The following INPP4B variants were observed in gnomAD, a reference collection of about 807,000 sequenced individuals.
INPP4B encodes the protein inositol polyphosphate 4-phosphatase type II.
Under a neutral mutation model 122.5 loss-of-function variants are expected in INPP4B, and 55 were observed. That is an observed-to-expected ratio of 0.45 (90% CI 0.36 to 0.56). The LOEUF is 0.56. Among genes scored for constraint, INPP4B ranks in the 20% least tolerant of loss-of-function variants. INPP4B has a pLI of 0.00. For synonymous variants in INPP4B, 403 were observed against 388.7 expected (o/e 1.04, Z -0.43); for missense variants, 1,000 against 1,097.7 (o/e 0.91, Z 1.26).
In INPP4B at chr4:142,436,076, G is replaced by C. The variant is rs1471528118; in HGVS notation, c.-126-4691C>G. ...CACACTTTACCCCTGCTGAAGCCAGGGAGGCTGGACGACTGGGTCCCGAGA... is the reference window on the plus strand; with the variant it reads ...CACACTTTACCCCTGCTGAAGCCAGCGAGGCTGGACGACTGGGTCCCGAGA... On this transcript the variant is annotated intron_variant, in intron 3 of 25. Transcript: ENST00000262992. Among the ~76,000 whole-genome samples, 4 of 152,188 alleles carry C rather than the reference G, an allele frequency of 2.6e-5. No homozygotes were observed. The East Asian group carries it at 7.7e-4, about 29-fold the overall frequency.
chr4:142,087,627 G>A (rs1475010661), intron 23 of INPP4B, among the ~76,000 whole-genome samples: 13 of 152,182 alleles, frequency 8.5e-5, no homozygotes, highest in Admixed American at 7.2e-4. Flanking sequence ...CTACGTTACC[G>A]AGTTTCACTG....
intron 16 of INPP4B, among the ~76,000 whole-genome samples, chr4:142,160,951 CTATGTG>C (rs915242877): frequency 9.2e-5 from 14 of 151,982 alleles, no homozygotes; most frequent in African/African-American, 3.4e-4. Context: ...TGTAATCAGT[CTATGTG>C]TATTTTATTA....
chr4:142,378,683 T>A (rs1792918512), intron 7 of INPP4B, among the ~76,000 whole-genome samples: 1 of 152,204 alleles, frequency 6.6e-6, no homozygotes, highest in African/African-American at 2.4e-5. Context: ...TTGGCTTTTC[T>A]CAGCTACAAA....
At chr4:142,691,769 T>C (rs576458754) in intron 2 of INPP4B, among the ~76,000 whole-genome samples, 4 of 152,182 alleles carry the variant, frequency 2.6e-5, no homozygotes, top group Admixed American at 2.6e-4. Context: ...CTTCTGTTCC[T>C]TCCTCCCTTG....
In INPP4B at chr4:142,371,199, G is replaced by T. The variant is rs562908972; in HGVS notation, c.372+31739C>A. Among the ~76,000 whole-genome samples the T allele has an allele frequency of 7.3e-4, 111 of 151,434 alleles. 2 individuals are homozygous for T. The highest frequency in any genetic ancestry group is 2.6e-3 in the African/African-American group (106 of 41,118). ...AAGGACACCCTTTTCAATAAATAGT[G>T]CTGGGAGACCCAGATATCCAAATGC... On this transcript the variant is annotated intron_variant, in intron 7 of 25. Coordinates refer to ENST00000262992, the MANE Select transcript of INPP4B (RefSeq NM_001101669.3).
At chr4:142,123,528 C>T (rs76102727) in intron 19 of INPP4B, 113 bp from the exon 20 acceptor site, 9 of 950,888 alleles carry the variant, frequency 9.5e-6, no homozygotes, top group Non-Finnish European at 1.4e-5. Flanking sequence ...GTATGTATAA[C>T]AAAACTACAA....
intron 1 of INPP4B, among the ~76,000 whole-genome samples, chr4:142,751,726 A>T (rs191383735): frequency 2.6e-5 from 4 of 152,210 alleles, no homozygotes; most frequent in Non-Finnish European, 5.9e-5. Context: ...CAGCTGGAAC[A>T]TACCAGTCAG....
chr4:142,219,414 T>G (rs1848517460), intron 12 of INPP4B, among the ~76,000 whole-genome samples: 1 of 152,230 alleles, frequency 6.6e-6, no homozygotes, highest in African/African-American at 2.4e-5. Context: ...TTTATTTACT[T>G]CTAAATAACA....
At chr4:142,098,347 C>CA (rs1561110058) in intron 23 of INPP4B, among the ~76,000 whole-genome samples, 5 of 151,408 alleles carry the variant, frequency 3.3e-5, no homozygotes, top group Admixed American at 1.3e-4. Context: ...AACAAACAAA[C>CA]AACAACAACA....
chr4:142,573,446 T>C (rs1402871065), intron 2 of INPP4B, among the ~76,000 whole-genome samples: 1 of 152,064 alleles, frequency 6.6e-6, no homozygotes, highest in African/African-American at 2.4e-5. Flanking sequence ...AAGAGGAGAA[T>C]TTTGTTCTTG....
intron 2 of INPP4B, among the ~76,000 whole-genome samples, chr4:142,549,581 C>T (rs1172477401): frequency 1.3e-5 from 2 of 152,102 alleles, no homozygotes; most frequent in African/African-American, 4.8e-5. Flanking sequence ...ATGTCTTTAC[C>T]TTCTCCAGGG....
chr4:142,736,947 G>C (rs942208417), intron 1 of INPP4B, among the ~76,000 whole-genome samples: 11 of 151,844 alleles, frequency 7.2e-5, no homozygotes, highest in Non-Finnish European at 1.6e-4. Context: ...GTCATAGATA[G>C]CTCGAAATAA....
At chr4:142,209,300 C>T (rs76432022) in intron 12 of INPP4B, among the ~76,000 whole-genome samples, 601 of 152,160 alleles carry the variant, frequency 3.9e-3, no homozygotes, top group Non-Finnish European at 6.2e-3. Context: ...GGCAGACTTC[C>T]TATTCTTATA....
At chr4:142,295,317 C>T (rs769327491) in intron 9 of INPP4B, among the ~76,000 whole-genome samples, 5 of 152,090 alleles carry the variant, frequency 3.3e-5, no homozygotes, top group African/African-American at 7.2e-5. Flanking sequence ...GTATAAGATG[C>T]CACAGGTCTG....
chr4:142,291,675 T>G (rs1290700775), intron 9 of INPP4B, among the ~76,000 whole-genome samples: 2 of 152,200 alleles, frequency 1.3e-5, no homozygotes, highest in Admixed American at 1.3e-4. Flanking sequence ...TGGAAAATCA[T>G]TAGCCTTCAT....
chr4:142,572,336 C>A (rs1302550430), intron 2 of INPP4B, among the ~76,000 whole-genome samples: 2 of 152,112 alleles, frequency 1.3e-5, no homozygotes, highest in African/African-American at 4.8e-5. Context: ...GCAGAGAGAG[C>A]TGTGGGGTAT....
At chr4:142,511,385 C>A (rs1449794788) in intron 2 of INPP4B, among the ~76,000 whole-genome samples, 1 of 152,072 alleles carries the variant, frequency 6.6e-6, no homozygotes, top group African/African-American at 2.4e-5. Flanking sequence ...AACAGGAAGG[C>A]AAATAATCTG....
At chr4:142,186,416 G>A (rs746364129) in intron 15 of INPP4B, among the ~76,000 whole-genome samples, 26 of 152,146 alleles carry the variant, frequency 1.7e-4, no homozygotes, top group Non-Finnish European at 2.9e-4. Flanking sequence ...CACTGGGAGC[G>A]GAGTCTATGA....
Position 142,188,107 on chromosome 4 carries a change from A to G in INPP4B, c.1181+4980T>C, listed in dbSNP as rs540307204. On this transcript the variant is annotated intron_variant, in intron 15 of 25. Transcript: ENST00000262992. ...TTGATTTTTCCATTTTCCAATAAGC[A>G]TATTTCTTTACAAAACTGGAAAATT... Among the ~76,000 whole-genome samples the G allele has an allele frequency of 8.5e-5, 13 of 152,270 alleles. No individual in the cohort carries two copies. In the South Asian group the frequency reaches 1.4e-3, roughly 17 times the overall value.
Sources: gnomAD v4.1 joint callset for allele counts (sites outside exome capture counted in the v4.1 genomes callset) on GRCh38, gnomAD v4.1.1 for gene constraint, MANE v1.5 for transcripts, NCBI Gene and HGNC (gene_info 2026-07-23, HGNC 2026-07-21) for gene names.